PAFAH1B1: variants seen among roughly 807,000 people sequenced by gnomAD.
PAFAH1B1 encodes platelet activating factor acetylhydrolase 1b regulatory subunit 1.
In PAFAH1B1, 2 loss-of-function variants were observed where a neutral mutation model predicts 57.5. That is an observed-to-expected ratio of 0.03 (90% confidence interval 0.01 to 0.11). PAFAH1B1 has a LOEUF of 0.11. Among genes scored for constraint, PAFAH1B1 ranks in the 10% least tolerant of loss-of-function variants. The pLI, the probability that PAFAH1B1 is intolerant of heterozygous loss-of-function variation, is 1.00. For missense variants in PAFAH1B1, 257 were observed against 512.0 expected (o/e 0.50, Z 4.81); for synonymous variants, 152 against 169.6 (o/e 0.90, Z 0.81).
intron 2 of PAFAH1B1, among the ~76,000 whole-genome samples, chr17:2,664,693 T>TC (rs72179418): frequency 0.17 from 9,749 of 57,946 alleles, 516 homozygotes; most frequent in Middle Eastern, 0.26. Context: ...TCTCTCTCTC[T>TC]TTCTCTCTCC....
At chr17:2,676,641 C>A in intron 9 of PAFAH1B1, 35 bp downstream of exon 9, 1 of 1,211,094 alleles carries the variant, frequency 8.3e-7, no homozygotes, top group Non-Finnish European at 1.2e-6. Context: ...TCTTTTGCAT[C>A]TTCACTGTTT....
At chr17:2,630,942 C>T (rs1449240579) in intron 1 of PAFAH1B1, among the ~76,000 whole-genome samples, 2 of 152,102 alleles carry the variant, frequency 1.3e-5, no homozygotes, top group Non-Finnish European at 1.5e-5. Flanking sequence ...ATCATTCAGT[C>T]ATTAAAAATT....
chr17:2,643,989 C>T (rs2068732883), intron 2 of PAFAH1B1, among the ~76,000 whole-genome samples: 2 of 152,182 alleles, frequency 1.3e-5, no homozygotes, highest in South Asian at 2.1e-4. Context: ...CCACGTCAGT[C>T]TTCTGAGCAG....
At chr17:2,680,731 TATC>T (rs1156980342) in intron 10 of PAFAH1B1, 4 of 278,394 alleles carry the variant, frequency 1.4e-5, no homozygotes, top group Non-Finnish European at 2.8e-5. Context: ...ACATCCTCAC[TATC>T]ATCTGGACTT....
chr17:2,617,286 A>C (rs1050084137), intron 1 of PAFAH1B1, among the ~76,000 whole-genome samples: 2 of 152,208 alleles, frequency 1.3e-5, no homozygotes, highest in Non-Finnish European at 2.9e-5. Context: ...TCTCAGTGAA[A>C]AAAGTGGTAG....
chr17:2,604,355 G>C (rs1287845731), intron 1 of PAFAH1B1, among the ~76,000 whole-genome samples: 1 of 152,126 alleles, frequency 6.6e-6, no homozygotes, highest in Non-Finnish European at 1.5e-5. Flanking sequence ...TTAATAAAAT[G>C]ATTAAATGGA....
intron 2 of PAFAH1B1, among the ~76,000 whole-genome samples, chr17:2,662,284 C>G (rs1374639817): frequency 6.6e-6 from 1 of 151,986 alleles, no homozygotes; most frequent in African/African-American, 2.4e-5. Flanking sequence ...AGCTTAGGAT[C>G]TGTTTGCTCA....
chr17:2,679,450 A>T (rs1460326772), intron 9 of PAFAH1B1, among the ~76,000 whole-genome samples: 1 of 131,708 alleles, frequency 7.6e-6, no homozygotes, highest in Admixed American at 7.9e-5. Flanking sequence ...GGATGGATAG[A>T]TGGATGATTG....
rs11432432 is a variant in PAFAH1B1, at chr17:2,614,021, GT to G, written c.-191+20036del. ...ATATTATATATTGTTTATATATTGG[GT>G]TTTTTTTTTTTTTTTTTTTTGAGAC... is the stretch of plus-strand genomic sequence containing the variant. On this transcript the variant is annotated intron_variant, in intron 1 of 10. Coordinates refer to ENST00000397195, the MANE Select transcript of PAFAH1B1 (RefSeq NM_000430.4). 437 of 96,994 alleles carry G rather than the reference GT, an allele frequency of 4.5e-3. 1 individual carries two copies. Among genetic ancestry groups the G allele is most frequent in the South Asian group, 7.0e-3 (21 of 3,014 alleles). 6.0% of individuals were successfully genotyped at this position (96,994 alleles called of 1,614,324 possible). A position where few individuals can be genotyped will look rare whatever the true frequency, so the allele number is the denominator to read the frequency against.
chr17:2,661,501 G>A (rs1480975776), intron 2 of PAFAH1B1, among the ~76,000 whole-genome samples: 2 of 152,132 alleles, frequency 1.3e-5, no homozygotes, highest in African/African-American at 4.8e-5. Context: ...TGAGGTCTCT[G>A]TTCTGTTCCC....
chr17:2,624,781 G>A (rs1025609311), intron 1 of PAFAH1B1, among the ~76,000 whole-genome samples: 4 of 152,094 alleles, frequency 2.6e-5, no homozygotes, highest in African/African-American at 7.2e-5. Flanking sequence ...GGGCTCAAGC[G>A]ATCTGCATGC....
intron 10 of PAFAH1B1, among the ~76,000 whole-genome samples, chr17:2,680,592 C>T (rs943438923): frequency 6.6e-6 from 1 of 152,186 alleles, no homozygotes; most frequent in Admixed American, 6.5e-5. Flanking sequence ...AGGTTACTTA[C>T]CACTCTGATG....
chr17:2,679,661 G>T (rs1294177652), intron 9 of PAFAH1B1: 1 of 155,634 alleles, frequency 6.4e-6, no homozygotes, highest in African/African-American at 2.4e-5. Flanking sequence ...TGGATGGATG[G>T]ATGGATGGAT....
chr17:2,605,215 A>G (rs1359309058), intron 1 of PAFAH1B1, among the ~76,000 whole-genome samples: 2 of 152,198 alleles, frequency 1.3e-5, no homozygotes, highest in African/African-American at 4.8e-5. Context: ...GTGAATGAGT[A>G]GTGTGATGGG....
intron 5 of PAFAH1B1, among the ~76,000 whole-genome samples, chr17:2,669,654 A>G (rs1023589326): frequency 1.3e-5 from 2 of 152,122 alleles, no homozygotes; most frequent in Non-Finnish European, 2.9e-5. Flanking sequence ...GGCCCTTTAG[A>G]TGTCTGAGTT....
intron 2 of PAFAH1B1, among the ~76,000 whole-genome samples, chr17:2,648,611 G>A (rs1425484572): frequency 6.6e-6 from 1 of 151,362 alleles, no homozygotes; most frequent in African/African-American, 2.4e-5. Flanking sequence ...CCAGGGGGCA[G>A]AGGTTGCAGT....
In PAFAH1B1 at chr17:2,670,165, G is replaced by T. The variant is rs746003762; in HGVS notation, c.402G>T (p.Val134=). 1 of 1,614,088 alleles carries T rather than the reference G, an allele frequency of 6.2e-7. No individual in the cohort carries two copies. The highest frequency in any genetic ancestry group is 1.7e-5 in the Admixed American group (1 of 60,028). The change falls in exon 6 of 11, where the codon GTG becomes GTT. Residue 134 remains valine (V), a splice_region_variant and synonymous_variant. Transcript: ENST00000397195. ...CCAATTTTCTGTTCACTTGACAGGT[G>T]TGGGATTATGAGACTGGAGATTTTG... ...VSASEDATIK[V]WDYETGDFER...
At position 2,643,576 on chromosome 17, in the gene PAFAH1B1, C is replaced by T. The variant is rs529302178; in HGVS notation, c.32+5256C>T. Among the ~76,000 whole-genome samples, 47 of 151,234 alleles carry T rather than the reference C, an allele frequency of 3.1e-4. 1 individual carries two copies. The highest frequency in any genetic ancestry group is 1.1e-3 in the African/African-American group (44 of 41,268). On this transcript the variant is annotated intron_variant, in intron 2 of 10. Coordinates refer to ENST00000397195, the MANE Select transcript of PAFAH1B1 (RefSeq NM_000430.4). ...TGGCTTTTTTTTTTTTCTCTTCCCCCGGAGACAGAGGCTTTCTCTGTTGCC... is the reference window on the plus strand; with the variant it reads ...TGGCTTTTTTTTTTTTCTCTTCCCCTGGAGACAGAGGCTTTCTCTGTTGCC...
At chr17:2,647,401 G>T (rs865946850) in intron 2 of PAFAH1B1, among the ~76,000 whole-genome samples, 1 of 152,080 alleles carries the variant, frequency 6.6e-6, no homozygotes. Context: ...GGGCATGGTG[G>T]CACACACCTG....
Sources: allele counts gnomAD v4.1 joint callset (sites outside exome capture counted in the v4.1 genomes callset), GRCh38; gene constraint gnomAD v4.1.1; transcripts MANE v1.5; gene names NCBI Gene and HGNC (gene_info 2026-07-23, HGNC 2026-07-21).